Variants in THTPA observed in about 807,000 individuals in gnomAD.
THTPA encodes thiamine-triphosphatase.
THTPA carries 16 observed loss-of-function variants against 16.5 expected under a neutral mutation model. The observed-to-expected ratio is 0.97, with a 90% CI of 0.66 to 1.47. The LOEUF (loss-of-function observed/expected upper bound fraction) is 1.47, where lower values mean the gene tolerates loss of function less well. Ranked by LOEUF, THTPA falls within the 40% of genes most tolerant of loss-of-function variation. The pLI, the probability that THTPA is intolerant of heterozygous loss-of-function variation, is 0.00. For missense variants in THTPA, 281 were observed against 280.9 expected, an observed-to-expected ratio of 1.00 and a Z score of 0.00; for synonymous variants, 110 against 115.5, an observed-to-expected ratio of 0.95 and a Z score of 0.30.
the THTPA span, chr14:23,533,666 G>T: frequency 6.5e-7 from 1 of 1,537,696 alleles, no homozygotes; most frequent in Non-Finnish European, 8.7e-7. The surrounding 1 kb of genome is among the most constrained non-coding windows in gnomAD (Gnocchi z 4.8). Context: ...GAGGGTGGGA[G>T]TGATGCCTCT....
the THTPA span, chr14:23,530,719 G>A: frequency 6.4e-6 from 2 of 313,472 alleles, no homozygotes; most frequent in Non-Finnish European, 1.2e-5. Context: ...TCAGCCCTGC[G>A]CCAGGATCGT....
chr14:23,554,134 C>A (rs1419362831), upstream of THTPA, among the ~76,000 whole-genome samples: 1 of 151,640 alleles, frequency 6.6e-6, no homozygotes, highest in Non-Finnish European at 1.5e-5. Context: ...TGGGAGTCGA[C>A]CTCAGGTCTG....
chr14:23,544,317 T>C, the THTPA span: 11 of 150,222 alleles, frequency 7.3e-5, no homozygotes, highest in African/African-American at 2.7e-4. Context: ...GGGGAACTCA[T>C]GGAGTTGAGT....
the THTPA span, chr14:23,513,919 G>C: frequency 6.5e-6 from 1 of 152,740 alleles, no homozygotes; most frequent in Non-Finnish European, 1.5e-5. Flanking sequence ...AGAGTAGCCA[G>C]GGAAGTGCCA....
At chr14:23,546,779 G>A in the THTPA span, among the ~76,000 whole-genome samples, 3 of 152,180 alleles carry the variant, frequency 2.0e-5, no homozygotes, top group Non-Finnish European at 2.9e-5. This position sits in a 1 kb window ranked among gnomAD's most constrained non-coding sequence, Gnocchi z 4.7. Flanking sequence ...GGACCACTGT[G>A]TCGACAGCCT....
chr14:23,527,055 G>C, the THTPA span: 1 of 1,406,702 alleles, frequency 7.1e-7, no homozygotes, highest in Non-Finnish European at 9.2e-7. Context: ...CCCTACACCT[G>C]TACTTGTGCC....
chr14:23,533,772 G>T, the THTPA span: 1 of 1,558,532 alleles, frequency 6.4e-7, no homozygotes, highest in Non-Finnish European at 8.6e-7. The surrounding 1 kb of genome is among the most constrained non-coding windows in gnomAD (Gnocchi z 4.8). Context: ...TGCCTTTGGT[G>T]GTTGTAGAGT....
chr14:23,521,773 G>C, the THTPA span: 1 of 1,001,982 alleles, frequency 1.0e-6, no homozygotes, highest in Non-Finnish European at 1.4e-6. Context: ...TGTCTGTGGG[G>C]ATTGGGAGGA....
chr14:23,516,634 A>T, the THTPA span, among the ~76,000 whole-genome samples: 3 of 152,206 alleles, frequency 2.0e-5, no homozygotes, highest in Non-Finnish European at 4.4e-5. Context: ...TCTGTGATCA[A>T]GTCAAAATTG....
chr14:23,534,411 G>A, the THTPA span: 1 of 1,536,824 alleles, frequency 6.5e-7, no homozygotes, highest in Non-Finnish European at 8.7e-7. This position sits in a 1 kb window ranked among gnomAD's most constrained non-coding sequence, Gnocchi z 4.5. Flanking sequence ...TGTTGTCAAG[G>A]GGTATGTCAG....
upstream of THTPA, among the ~76,000 whole-genome samples, chr14:23,554,095 CG>C (rs1566599953): frequency 6.8e-6 from 1 of 146,288 alleles, no homozygotes; most frequent in African/African-American, 2.5e-5. Flanking sequence ...GAGTAGCTTG[CG>C]GAAGGCCAAA....
chr14:23,530,148 T>C, the THTPA span: 2 of 1,535,990 alleles, frequency 1.3e-6, no homozygotes, highest in Admixed American at 2.0e-5. Context: ...TCTGGGCATC[T>C]TTCTCAGGGG....
the THTPA span, chr14:23,524,754 C>T: frequency 6.1e-5 from 93 of 1,536,352 alleles, no homozygotes; most frequent in Non-Finnish European, 7.4e-5. The surrounding 1 kb of genome is among the most constrained non-coding windows in gnomAD (Gnocchi z 5.6). Flanking sequence ...CCCTCAGGCC[C>T]TGCTGGAGGT....
the THTPA span, among the ~76,000 whole-genome samples, chr14:23,519,397 C>T: frequency 6.6e-6 from 1 of 152,136 alleles, no homozygotes; most frequent in Non-Finnish European, 1.5e-5. Flanking sequence ...CTTCTTTCCT[C>T]AGATACATGC....
the THTPA span, chr14:23,524,487 C>G: frequency 2.0e-6 from 3 of 1,530,114 alleles, no homozygotes; most frequent in East Asian, 4.9e-5. The surrounding 1 kb of genome is among the most constrained non-coding windows in gnomAD (Gnocchi z 5.6). Flanking sequence ...GTGGCTGCCA[C>G]CAGGGGGTTT....
the THTPA span, among the ~76,000 whole-genome samples, chr14:23,540,045 T>A: frequency 6.6e-6 from 1 of 152,246 alleles, no homozygotes; most frequent in East Asian, 1.9e-4. Context: ...TGGAGTGCAG[T>A]GTCACCATCT....
the THTPA span, chr14:23,525,758 G>T: frequency 6.6e-7 from 1 of 1,507,070 alleles, no homozygotes; most frequent in Non-Finnish European, 8.8e-7. The surrounding 1 kb of genome is among the most constrained non-coding windows in gnomAD (Gnocchi z 5.9). Flanking sequence ...GGGTGGAGGA[G>T]GAGGGGTGGC....
chr14:23,551,762 G>GAAT (rs1881978830), upstream of THTPA: 2 of 152,928 alleles, frequency 1.3e-5, no homozygotes, highest in African/African-American at 4.8e-5. The surrounding 1 kb of genome is among the most constrained non-coding windows in gnomAD (Gnocchi z 5.3). Flanking sequence ...CCACACAATG[G>GAAT]AATAATCAAT....
At chr14:23,520,704 C>T in the THTPA span, among the ~76,000 whole-genome samples, 2,464 of 151,380 alleles carry the variant, frequency 0.016, 78 homozygotes, top group African/African-American at 0.057. This position sits in a 1 kb window ranked among gnomAD's most constrained non-coding sequence, Gnocchi z 8.7. Context: ...GCTGCACCGG[C>T]ATCGGCCCTT....
Sources: allele counts gnomAD v4.1 joint callset (sites outside exome capture counted in the v4.1 genomes callset), GRCh38; gene constraint gnomAD v4.1.1; non-coding constraint Gnocchi (gnomAD v3.1); transcripts MANE v1.5; gene names NCBI Gene and HGNC (gene_info 2026-07-23, HGNC 2026-07-21).